The following DSCAM variants were observed in gnomAD, a reference collection of about 807,000 sequenced individuals.
DSCAM encodes cell adhesion molecule DSCAM.
DSCAM carries 47 observed loss-of-function variants against 217.7 expected under a neutral mutation model. That is an observed-to-expected ratio of 0.22 (90% CI 0.17 to 0.28). The LOEUF is 0.28. Among genes scored for constraint, DSCAM ranks in the 10% least tolerant of loss-of-function variants. The pLI, the probability that DSCAM is intolerant of heterozygous loss-of-function variation, is 1.00. For synonymous variants in DSCAM, 1,056 were observed against 1,015.3 expected, an observed-to-expected ratio of 1.04 and a Z score of -0.76; for missense variants, 2,080 against 2,618.3, an observed-to-expected ratio of 0.79 and a Z score of 4.49.
chr21:40,567,595 C>T (rs1192703882), intron 3 of DSCAM, among the ~76,000 whole-genome samples: 11 of 152,178 alleles, frequency 7.2e-5, no homozygotes. Flanking sequence ...ATCCATACGC[C>T]CCAAATGCCC....
chr21:40,063,758 C>G (rs1450349899), intron 27 of DSCAM, among the ~76,000 whole-genome samples: 1 of 152,200 alleles, frequency 6.6e-6, no homozygotes, highest in Non-Finnish European at 1.5e-5. Context: ...GCATTTCCAT[C>G]TCATGCCTTT....
At chr21:40,314,708 C>T (rs1300494211) in intron 8 of DSCAM, among the ~76,000 whole-genome samples, 1 of 152,192 alleles carries the variant, frequency 6.6e-6, no homozygotes, top group Admixed American at 6.5e-5. Context: ...CATACTCAGA[C>T]AAACCTTGGC....
intron 11 of DSCAM, among the ~76,000 whole-genome samples, chr21:40,208,528 A>G (rs1248719901): frequency 2.6e-5 from 4 of 152,218 alleles, no homozygotes; most frequent in African/African-American, 9.6e-5. Context: ...AGAATGGCTC[A>G]CTGAGCTGTT....
At chr21:40,095,128 A>C (rs145970230) in intron 20 of DSCAM, among the ~76,000 whole-genome samples, 1 of 152,338 alleles carries the variant, frequency 6.6e-6, no homozygotes, top group African/African-American at 2.4e-5. Context: ...CATGTCTTAC[A>C]TGGTGGCAGG....
intron 20 of DSCAM, among the ~76,000 whole-genome samples, chr21:40,099,989 G>A (rs578087805): frequency 6.6e-6 from 1 of 152,308 alleles, no homozygotes; most frequent in Admixed American, 6.5e-5. Flanking sequence ...CTCACAACAG[G>A]AGAGGAGGCT....
chr21:40,242,117 A>C (rs2073160794), intron 11 of DSCAM, among the ~76,000 whole-genome samples: 1 of 152,196 alleles, frequency 6.6e-6, no homozygotes, highest in Non-Finnish European at 1.5e-5. Context: ...TACCTATGGA[A>C]GAAACCTGCA....
At chr21:40,250,808 C>G (rs985079228) in intron 11 of DSCAM, among the ~76,000 whole-genome samples, 8 of 152,204 alleles carry the variant, frequency 5.3e-5, no homozygotes, top group Admixed American at 1.3e-4. Context: ...ATTAAGCACT[C>G]TTCAATAAAG....
At chr21:40,379,466 GC>G (rs2074999086) in intron 3 of DSCAM, among the ~76,000 whole-genome samples, 1 of 152,172 alleles carries the variant, frequency 6.6e-6, no homozygotes, top group African/African-American at 2.4e-5. Flanking sequence ...ACCTGGACTT[GC>G]CTAAAAGCAG....
chr21:40,026,185 A>G (rs2088378592), intron 32 of DSCAM, among the ~76,000 whole-genome samples: 1 of 141,356 alleles, frequency 7.1e-6, no homozygotes, highest in Non-Finnish European at 1.6e-5. Context: ...AGCGATTTTG[A>G]GTGAGATTCT....
intron 3 of DSCAM, among the ~76,000 whole-genome samples, chr21:40,514,310 A>G (rs1278122706): frequency 2.0e-5 from 3 of 152,160 alleles, no homozygotes; most frequent in East Asian, 1.9e-4. Flanking sequence ...GAGCCATCCA[A>G]TGCTTCATCA....
rs542418671 is a variant in DSCAM at position 40,077,991 on chromosome 21, G to A, written c.4711+696C>T. Among the ~76,000 whole-genome samples the A allele has an allele frequency of 1.9e-4, 29 of 152,324 alleles. 1 individual carries two copies. The highest frequency in any genetic ancestry group is 1.6e-3 in the Admixed American group (24 of 15,310). ...CCTACTAAGTTGCAGTCGAGGACTC[G>A]CTCCTTTCAGCTTCACTGGGCTTAG... is the stretch of plus-strand genomic sequence containing the variant. On this transcript the variant is annotated intron_variant, in intron 26 of 32. Transcript: ENST00000400454.
chr21:40,424,165 ATTTC>A (rs1019061178), intron 3 of DSCAM, among the ~76,000 whole-genome samples: 7 of 152,162 alleles, frequency 4.6e-5, no homozygotes, highest in Admixed American at 6.5e-5. Context: ...TTTAAAACAG[ATTTC>A]TTTTATTTTC....
At chr21:40,693,500 G>A (rs2090562642) in intron 2 of DSCAM, among the ~76,000 whole-genome samples, 1 of 152,100 alleles carries the variant, frequency 6.6e-6, no homozygotes, top group African/African-American at 2.4e-5. Flanking sequence ...TCATGAGATA[G>A]GAAATAGCTT....
rs182886579 is a variant in DSCAM, at chr21:40,249,277, G to A, written c.2356+26820C>T. ...CCATAATTCCCATGTGTTGTGGGAG[G>A]GACCAGGTAAGAGATAATCTGAATC... On this transcript the variant is annotated intron_variant, in intron 11 of 32. Coordinates refer to ENST00000400454, the MANE Select transcript of DSCAM (RefSeq NM_001389.5). Among the ~76,000 whole-genome samples, 8 of 152,272 alleles carry A rather than the reference G, an allele frequency of 5.3e-5. No homozygotes were observed. In the East Asian group the frequency reaches 1.4e-3, roughly 26 times the overall value.
chr21:40,641,151 C>A (rs188404788), intron 3 of DSCAM, among the ~76,000 whole-genome samples: 3 of 152,174 alleles, frequency 2.0e-5, no homozygotes, highest in Admixed American at 6.5e-5. Flanking sequence ...TTGCCTCTTG[C>A]CTTTAGTAAA....
chr21:40,405,053 G>A (rs1054511594), intron 3 of DSCAM, among the ~76,000 whole-genome samples: 8 of 152,170 alleles, frequency 5.3e-5, no homozygotes, highest in African/African-American at 1.7e-4. Context: ...GCTGGCTCCC[G>A]TATAACAGAA....
intron 11 of DSCAM, among the ~76,000 whole-genome samples, chr21:40,206,525 G>A (rs1040713711): frequency 2.6e-5 from 4 of 152,162 alleles, no homozygotes; most frequent in African/African-American, 7.2e-5. Flanking sequence ...GACCCAGTGA[G>A]AGGAATGGGT....
intron 20 of DSCAM, among the ~76,000 whole-genome samples, chr21:40,115,729 G>A (rs1404055665): frequency 6.6e-6 from 1 of 152,196 alleles, no homozygotes; most frequent in Non-Finnish European, 1.5e-5. Flanking sequence ...TTCAGGCATT[G>A]TGGAAGACAG....
chr21:40,564,736 C>T (rs768480740), intron 3 of DSCAM, among the ~76,000 whole-genome samples: 1 of 152,200 alleles, frequency 6.6e-6, no homozygotes, highest in Non-Finnish European at 1.5e-5. Flanking sequence ...TCCTATTCTG[C>T]CAGTCAAGAA....
Sources: allele counts gnomAD v4.1 joint callset (sites outside exome capture counted in the v4.1 genomes callset), GRCh38; gene constraint gnomAD v4.1.1; transcripts MANE v1.5; gene names NCBI Gene and HGNC (gene_info 2026-07-23, HGNC 2026-07-21).